TRIM67: variants seen among roughly 807,000 people sequenced by gnomAD.
The protein encoded by TRIM67 is tripartite motif containing 67, also known as tripartite motif-containing protein 67.
TRIM67 carries 39 observed loss-of-function variants against 71.0 expected under a neutral mutation model. The ratio of observed to expected loss-of-function variants is 0.55; its 90% CI spans 0.43 to 0.72. TRIM67 has a LOEUF of 0.72. Ranked by LOEUF, TRIM67 falls within the 30% of genes least tolerant of loss-of-function variation. The pLI is 0.00. For synonymous variants in TRIM67, 481 were observed against 473.9 expected, an observed-to-expected ratio of 1.01 and a Z score of -0.19; for missense variants, 973 against 1,079.2, an observed-to-expected ratio of 0.90 and a Z score of 1.38.
At chr1:231,190,309 A>C (rs551050247) in intron 1 of TRIM67, among the ~76,000 whole-genome samples, 66 of 152,154 alleles carry the variant, frequency 4.3e-4, no homozygotes, top group Non-Finnish European at 8.1e-4. Flanking sequence ...TGAACAGAAC[A>C]TTGGATCAGC....
intron 1 of TRIM67, among the ~76,000 whole-genome samples, chr1:231,183,397 G>T (rs1487155322): frequency 6.6e-6 from 1 of 152,090 alleles, no homozygotes; most frequent in African/African-American, 2.4e-5. Flanking sequence ...CCAGGAATTT[G>T]AGACCAACCT....
rs188875642 is a variant in TRIM67, at chr1:231,163,693, C to G, written c.724C>G (p.Arg242Gly). 1 of 1,510,022 alleles carries G rather than the reference C, an allele frequency of 6.6e-7. No individual in the cohort carries two copies. Among genetic ancestry groups the G allele is most frequent in the Non-Finnish European group, 8.8e-7 (1 of 1,130,712 alleles). 93.5% of individuals were successfully genotyped at this position (1,510,022 alleles called of 1,614,324 possible). The change falls in exon 1 of 10, where the codon CGG becomes GGG. Residue 242 changes from arginine (R) to glycine (G), a missense_variant. Arg to Gly is a moderately radical substitution (Grantham distance 125). Transcript: ENST00000366653. ...CTGCCAGCTCAAGTGCCATCCATCC[C>G]GGGGACCCTTCGCCAAGCATCGCCT... is the stretch of plus-strand genomic sequence containing the variant. ...SACQLKCHPS[R>G]GPFAKHRLVQ...
intron 3 of TRIM67, among the ~76,000 whole-genome samples, chr1:231,199,519 T>C (rs548693068): frequency 2.6e-5 from 4 of 152,312 alleles, no homozygotes; most frequent in South Asian, 4.1e-4. Context: ...TGTCCCCTTC[T>C]TCAGGTTCTC....
Position 231,219,001 on chromosome 1 carries a change from G to C in TRIM67, c.*3561G>C. ...AATTCTCATTGCAAGCGAAAGGCTT[G>C]GTCCCCCTGGGAAGGCGGGTTTCGG... is the stretch of plus-strand genomic sequence containing the variant. On this transcript the variant is annotated 3_prime_UTR_variant, in exon 10 of 10. Transcript: ENST00000366653. 2.0e-6 allele frequency: 2 copies of C among 985,464 alleles called. No homozygotes were observed. Among genetic ancestry groups the C allele is most frequent in the South Asian group, 4.7e-5 (1 of 21,284 alleles). 61.0% of individuals were successfully genotyped at this position (985,464 alleles called of 1,614,324 possible). A position where few individuals can be genotyped will look rare whatever the true frequency, so the allele number is the denominator to read the frequency against.
Position 231,162,961 on chromosome 1 carries a change from G to T in TRIM67, c.-9G>T. 5 of 1,609,770 alleles carry T rather than the reference G, an allele frequency of 3.1e-6. No homozygotes were observed. In the East Asian group the frequency reaches 1.1e-4, roughly 36 times the overall value. ...CCAGCGCAGAGCAGCGCTGGCAGCC[G>T]GCGCCGCGATGGAGGAAGAGCTGAA... is the stretch of plus-strand genomic sequence containing the variant. On this transcript the variant is annotated 5_prime_UTR_variant, in exon 1 of 10. Coordinates refer to ENST00000366653, the MANE Select transcript of TRIM67 (RefSeq NM_001004342.5).
At position 231,220,173 on chromosome 1, in the gene TRIM67, G is replaced by T. The variant is rs530363; in HGVS notation, c.*4733G>T. The T allele has an allele frequency of 0.37, 135,567 of 368,646 alleles. 25,355 individuals are homozygous for T. The highest frequency in any genetic ancestry group is 0.44 in the Admixed American group (11,972 of 27,346). The allele number at this position is 368,646 out of a possible 1,614,324, so 22.8% of individuals were successfully genotyped here. A position where few individuals can be genotyped will look rare whatever the true frequency, so the allele number is the denominator to read the frequency against. On this transcript the variant is annotated 3_prime_UTR_variant, in exon 10 of 10. Coordinates refer to ENST00000366653, the MANE Select transcript of TRIM67 (RefSeq NM_001004342.5). ...TCAGTGACTCAAACCTGTGGGGGGC[G>T]TTCCAGTGTTCTCTGACCAGTGTCT...
intron 1 of TRIM67, among the ~76,000 whole-genome samples, chr1:231,182,786 T>C: frequency 6.6e-6 from 1 of 152,220 alleles, no homozygotes; most frequent in East Asian, 1.9e-4. Flanking sequence ...GGTTGGCTCC[T>C]GCACACGTGA....
At chr1:231,213,722 C>T in intron 8 of TRIM67, 93 bp from the exon 9 acceptor site, 7 of 1,426,372 alleles carry the variant, frequency 4.9e-6, no homozygotes, top group Non-Finnish European at 6.6e-6. Context: ...CAGAGTGAGA[C>T]CGTGTCTCTA....
Position 231,220,583 on chromosome 1 carries a change from C to T in TRIM67, c.*5143C>T, listed in dbSNP as rs537289844. ...GTGTGGATAGCACGAAGAGATGCAA[C>T]TGAGCCGAAGTTTTGAAGGCTGGTT... On this transcript the variant is annotated 3_prime_UTR_variant, in exon 10 of 10. Transcript: ENST00000366653. The T allele has an allele frequency of 6.6e-6, 1 of 152,318 alleles. No homozygotes were observed. The highest frequency in any genetic ancestry group is 1.5e-5 in the Non-Finnish European group (1 of 68,120). 9.4% of individuals were successfully genotyped at this position (152,318 alleles called of 1,614,324 possible). A position where few individuals can be genotyped will look rare whatever the true frequency, so the allele number is the denominator to read the frequency against.
At chr1:231,170,399 G>C (rs1682592964) in intron 1 of TRIM67, among the ~76,000 whole-genome samples, 1 of 152,176 alleles carries the variant, frequency 6.6e-6, no homozygotes, top group Non-Finnish European at 1.5e-5. Context: ...TCTCTTTGAA[G>C]ACTATTTATA....
intron 1 of TRIM67, among the ~76,000 whole-genome samples, chr1:231,177,234 G>A (rs1682777740): frequency 6.6e-6 from 1 of 152,188 alleles, no homozygotes; most frequent in Non-Finnish European, 1.5e-5. Context: ...AGTTGAGTTG[G>A]GTTTCAAAGG....
At chr1:231,190,173 C>A (rs112079067) in intron 1 of TRIM67, among the ~76,000 whole-genome samples, 4 of 152,298 alleles carry the variant, frequency 2.6e-5, no homozygotes, top group African/African-American at 9.6e-5. Flanking sequence ...AGAGAGTTCT[C>A]TTCTTTTGCA....
intron 7 of TRIM67, 30 bp from the exon 8 acceptor site, chr1:231,208,917 C>A (rs1262164245): frequency 1.3e-6 from 2 of 1,542,620 alleles, no homozygotes; most frequent in Non-Finnish European, 1.8e-6. Context: ...CATCCCCTGA[C>A]CCTGCTCCTC....
chr1:231,197,438 A>G lies in TRIM67; in HGVS notation c.1112A>G (p.Gln371Arg). ...KAKEAKEFLVQLKNILQQIQE... is the reference protein window; with the variant it reads ...KAKEAKEFLVRLKNILQQIQE... ...AAGGAAGCAAAGGAGTTTCTGGTTC[A>G]GCTAAAGAACATATTGCAGCAGATC... The change falls in exon 2 of 10, where the codon CAG becomes CGG. Residue 371 changes from glutamine to arginine, a missense_variant. This residue lies in a region of TRIM67 where 795 missense variants were observed against 831.3 expected (regional missense o/e 0.96). Coordinates refer to ENST00000366653, the MANE Select transcript of TRIM67 (RefSeq NM_001004342.5). 1 of 1,614,034 alleles carries G rather than the reference A, an allele frequency of 6.2e-7. No homozygotes were observed. The highest frequency in any genetic ancestry group is 8.5e-7 in the Non-Finnish European group (1 of 1,179,880).
Position 231,209,069 on chromosome 1 carries a change from A to G in TRIM67, c.1942A>G (p.Lys648Glu). 1 of 1,613,750 alleles carries G rather than the reference A, an allele frequency of 6.2e-7. No individual in the cohort carries two copies. Among genetic ancestry groups the G allele is most frequent in the Non-Finnish European group, 8.5e-7 (1 of 1,179,798 alleles). ...GGTGCTGGGCACAGCTGCGTTCTCC[A>G]AGGGCGTGCACTACTGGGAGCTGCA... ...RVVLGTAAFS[K>E]GVHYWELHVD... Residue 648 changes from lysine (K) to glutamate (E), a missense_variant, in exon 8 of 10, where the codon AAG becomes GAG. Physicochemically the swap from Lys to Glu is moderately conservative, Grantham distance 56 (BLOSUM62 1). This residue lies in a region of TRIM67 where 178 missense variants were observed against 247.9 expected (regional missense o/e 0.72). Transcript: ENST00000366653. The surrounding 1 kb of genome is among the most constrained non-coding windows in gnomAD (Gnocchi z 4.1).
chr1:231,210,249 C>T (rs1683830657), intron 8 of TRIM67, among the ~76,000 whole-genome samples: 2 of 152,168 alleles, frequency 1.3e-5, no homozygotes, highest in Non-Finnish European at 2.9e-5. Context: ...CTTCGCTGGG[C>T]CCCAGCCCCA....
At chr1:231,190,652 C>A (rs925724585) in intron 1 of TRIM67, among the ~76,000 whole-genome samples, 1 of 152,182 alleles carries the variant, frequency 6.6e-6, no homozygotes, top group African/African-American at 2.4e-5. Context: ...AGGGGCGTCC[C>A]TCTCCCCTGT....
At chr1:231,188,446 TC>T (rs1002721161) in intron 1 of TRIM67, among the ~76,000 whole-genome samples, 2 of 151,890 alleles carry the variant, frequency 1.3e-5, no homozygotes, top group African/African-American at 4.8e-5. Context: ...GGGACAAGGG[TC>T]CCCTGGAGAA....
chr1:231,193,503 GCTCTCTCTCTCTCTCTCTCTCT>G (rs3049035), intron 1 of TRIM67, among the ~76,000 whole-genome samples: 32 of 81,946 alleles, frequency 3.9e-4, no homozygotes, highest in African/African-American at 1.5e-3. Flanking sequence ...TCTCTCTCAA[GCTCTCTCTCTCTCTCTCTCTCT>G]CTCTCTCTCT....
Sources: gnomAD v4.1 joint callset for allele counts (sites outside exome capture counted in the v4.1 genomes callset) on GRCh38, gnomAD v4.1.1 for gene constraint, gnomAD v4.1.1 regional missense constraint, Gnocchi (gnomAD v3.1) non-coding constraint, MANE v1.5 for transcripts, NCBI Gene and HGNC (gene_info 2026-07-23, HGNC 2026-07-21) for gene names.